Variants in MYO16 observed in about 807,000 individuals in gnomAD.
The protein encoded by MYO16 is unconventional myosin-XVI.
In MYO16, 94 loss-of-function variants were observed where a neutral mutation model predicts 205.3. The observed-to-expected ratio is 0.46, with a 90% CI of 0.39 to 0.54. MYO16 has a LOEUF of 0.54. Ranked by LOEUF, MYO16 falls within the 20% of genes least tolerant of loss-of-function variation. The probability of loss-of-function intolerance (pLI) is 0.00; values close to 1 mark genes in which losing one functional copy is unlikely to be tolerated. For missense variants in MYO16, 2,315 were observed against 2,387.5 expected, an observed-to-expected ratio of 0.97 and a Z score of 0.63; for synonymous variants, 988 against 954.0, an observed-to-expected ratio of 1.04 and a Z score of -0.66.
intron 12 of MYO16, among the ~76,000 whole-genome samples, chr13:108,878,003 G>A (rs1879406747): frequency 2.0e-5 from 3 of 151,534 alleles, no homozygotes. Flanking sequence ...ACATGCTACA[G>A]AATAGAGATC....
chr13:108,776,341 A>G (rs1886124730), intron 4 of MYO16, among the ~76,000 whole-genome samples: 1 of 152,192 alleles, frequency 6.6e-6, no homozygotes, highest in South Asian at 2.1e-4. Context: ...GTGGATACAG[A>G]GAGACACCAC....
intron 16 of MYO16, among the ~76,000 whole-genome samples, chr13:108,954,014 C>A (rs1049975833): frequency 5.3e-5 from 8 of 152,230 alleles, no homozygotes; most frequent in African/African-American, 1.7e-4. Flanking sequence ...ACGTAGTTAA[C>A]AGACCTGTCT....
intron 27 of MYO16, among the ~76,000 whole-genome samples, chr13:109,065,935 A>G (rs778081778): frequency 2.4e-4 from 37 of 152,346 alleles, no homozygotes; most frequent in Admixed American, 2.6e-4. Flanking sequence ...GGACTTGTCA[A>G]TGAAAGCACC....
intron 1 of MYO16, among the ~76,000 whole-genome samples, chr13:108,656,464 C>A (rs1881249811): frequency 6.6e-6 from 1 of 152,106 alleles, no homozygotes; most frequent in African/African-American, 2.4e-5. Context: ...GACTAATATA[C>A]CAGGTCAGCG....
chr13:108,606,898 G>A (rs1014755399), intron 1 of MYO16, among the ~76,000 whole-genome samples: 1 of 152,220 alleles, frequency 6.6e-6, no homozygotes, highest in East Asian at 1.9e-4. Flanking sequence ...GCAGCCCAAG[G>A]CCATGGAAGC....
intron 27 of MYO16, among the ~76,000 whole-genome samples, chr13:109,063,090 A>G (rs1224682001): frequency 6.6e-6 from 1 of 152,162 alleles, no homozygotes; most frequent in Non-Finnish European, 1.5e-5. Context: ...TTGTTTCTGA[A>G]GTCTGACATG....
chr13:109,140,429 C>G lies in MYO16; in HGVS notation c.4217C>G (p.Ala1406Gly). The G allele has an allele frequency of 6.4e-7, 1 of 1,563,312 alleles. No individual in the cohort carries two copies. Among genetic ancestry groups the G allele is most frequent in the Non-Finnish European group, 8.6e-7 (1 of 1,161,572 alleles). ...CCCGCGGGCGCCCCGGGGGCAGCAG[C>G]GCGCGTTCTGACCCCCGGGACTCCG... ...ARPAGAPGAA[A>G]RVLTPGTPQC... Residue 1406 changes from alanine (A) to glycine (G), a missense_variant, in exon 32 of 35, where the codon GCG (alanine) becomes GGG (glycine). This residue lies in a region of MYO16 where 1,097 missense variants were observed against 1,092.0 expected (regional missense o/e 1.00). Coordinates refer to ENST00000457511, the MANE Select transcript of MYO16 (RefSeq NM_001198950.3). This position sits in a 1 kb window ranked among gnomAD's most constrained non-coding sequence, Gnocchi z 8.0.
chr13:109,038,325 C>T (rs909217158), intron 23 of MYO16, among the ~76,000 whole-genome samples: 2 of 152,112 alleles, frequency 1.3e-5, no homozygotes, highest in Non-Finnish European at 2.9e-5. Flanking sequence ...TCGCTAGCTT[C>T]AAGTGGGTGG....
chr13:108,559,631 G>A, the MYO16 span, among the ~76,000 whole-genome samples: 7 of 151,416 alleles, frequency 4.6e-5, no homozygotes, highest in Admixed American at 3.3e-4. Flanking sequence ...CCGCCACCAC[G>A]CCCGGCTAAT....
intron 16 of MYO16, among the ~76,000 whole-genome samples, chr13:108,934,929 G>A (rs1594408019): frequency 6.6e-6 from 1 of 151,778 alleles, no homozygotes; most frequent in Non-Finnish European, 1.5e-5. Flanking sequence ...ATTAGATGAC[G>A]GTGGTTAAGT....
At chr13:109,105,977 T>C (rs1464956258) in intron 28 of MYO16, among the ~76,000 whole-genome samples, 1 of 152,230 alleles carries the variant, frequency 6.6e-6, no homozygotes, top group East Asian at 1.9e-4. Flanking sequence ...TGGCTTCTTA[T>C]GTTTACAGTG....
intron 25 of MYO16, 129 bp from the exon 26 acceptor site, chr13:109,054,917 C>G: frequency 7.5e-6 from 4 of 533,256 alleles, no homozygotes; most frequent in South Asian, 2.8e-5. Flanking sequence ...TTTTCTTCTT[C>G]CTTCCTTCTT....
intron 4 of MYO16, among the ~76,000 whole-genome samples, chr13:108,773,125 A>G (rs1886021275): frequency 6.6e-6 from 1 of 152,142 alleles, no homozygotes; most frequent in South Asian, 2.1e-4. Flanking sequence ...TCTCTTTTAT[A>G]AAGGCACCAA....
chr13:108,935,554 T>C (rs911354316), intron 16 of MYO16, among the ~76,000 whole-genome samples: 1 of 152,188 alleles, frequency 6.6e-6, no homozygotes, highest in African/African-American at 2.4e-5. Flanking sequence ...TAGAATCAAA[T>C]TGTCAATAAA....
chr13:108,751,332 A>G (rs1885231669), intron 4 of MYO16, among the ~76,000 whole-genome samples: 1 of 152,162 alleles, frequency 6.6e-6, no homozygotes, highest in Non-Finnish European at 1.5e-5. Flanking sequence ...AGTACATCAA[A>G]GAAATTCAGA....
chr13:108,841,203 A>G (rs530097787), intron 9 of MYO16, among the ~76,000 whole-genome samples: 44 of 152,330 alleles, frequency 2.9e-4, no homozygotes, highest in African/African-American at 9.1e-4. Flanking sequence ...GATTACATCA[A>G]TGAATGATAA....
rs542251250 is a variant in MYO16, at chr13:108,752,435, G to A, written c.507+24852G>A. ...CAAAGGTTATACTTAATTTCATGAA[G>A]CAGCTATAAAGACAGGACTATTAAA... On this transcript the variant is annotated intron_variant, in intron 4 of 34. Transcript: ENST00000457511. Among the ~76,000 whole-genome samples the A allele has an allele frequency of 2.6e-5, 4 of 152,226 alleles. No homozygotes were observed. In the South Asian group the frequency reaches 8.3e-4, roughly 32 times the overall value.
chr13:108,869,980 TA>T (rs528456256), intron 12 of MYO16, among the ~76,000 whole-genome samples: 17 of 151,472 alleles, frequency 1.1e-4, no homozygotes, highest in Admixed American at 1.1e-3. Context: ...TAATTTCATT[TA>T]AAAATATATA....
At chr13:108,527,559 T>C in the MYO16 span, among the ~76,000 whole-genome samples, 1 of 152,210 alleles carries the variant, frequency 6.6e-6, no homozygotes, top group Non-Finnish European at 1.5e-5. Context: ...TCTCTTTCTA[T>C]GCATACTCAT....
Sources: gnomAD v4.1 joint callset for allele counts (sites outside exome capture counted in the v4.1 genomes callset) on GRCh38, gnomAD v4.1.1 for gene constraint, gnomAD v4.1.1 regional missense constraint, Gnocchi (gnomAD v3.1) non-coding constraint, MANE v1.5 for transcripts, NCBI Gene and HGNC (gene_info 2026-07-23, HGNC 2026-07-21) for gene names.